Variants in RTTN observed in about 807,000 individuals in gnomAD.
RTTN encodes the protein rotatin.
In RTTN, 182 loss-of-function variants were observed where a neutral mutation model predicts 269.2. The ratio of observed to expected loss-of-function variants is 0.68; its 90% CI spans 0.60 to 0.76. The LOEUF is 0.76. Ranked by LOEUF, RTTN falls within the 30% of genes least tolerant of loss-of-function variation. RTTN has a pLI of 0.00. For missense variants in RTTN, 2,545 were observed against 2,608.6 expected, an observed-to-expected ratio of 0.98 and a Z score of 0.53; for synonymous variants, 1,006 against 963.5, an observed-to-expected ratio of 1.04 and a Z score of -0.82.
chr18:70,095,742 C>T (rs1046058797), intron 28 of RTTN, among the ~76,000 whole-genome samples: 4 of 152,034 alleles, frequency 2.6e-5, no homozygotes, highest in African/African-American at 9.7e-5. Flanking sequence ...TCCTTCATTT[C>T]AGCCTTGGTA....
Position 70,190,593 on chromosome 18 carries a change from A to G in RTTN, c.1134T>C (p.Ser378=). The part of the protein sequence containing the change: ...DTLELQFQQL[S]LPQFCVSILE... ...GAATGGAGACACAAAACTGGGGAAG[A>G]CTGAGCTGCTGGAATTGTAGTTCCA... The change falls in exon 9 of 49, where the codon AGT becomes AGC. Residue 378 remains serine (S), a synonymous_variant. Coordinates refer to ENST00000640769, the MANE Select transcript of RTTN (RefSeq NM_173630.4). 1 of 1,614,022 alleles carries G rather than the reference A, an allele frequency of 6.2e-7. No individual in the cohort carries two copies.
chr18:70,131,437 A>C (rs2059996539), intron 23 of RTTN: 1 of 151,522 alleles, frequency 6.6e-6, no homozygotes, highest in Non-Finnish European at 1.5e-5. Context: ...AGGTCCTTGC[A>C]TTGTCTGGGA....
intron 40 of RTTN, among the ~76,000 whole-genome samples, chr18:70,037,914 T>A (rs2057224480): frequency 6.6e-6 from 1 of 152,064 alleles, no homozygotes; most frequent in African/African-American, 2.4e-5. Flanking sequence ...TCTGGCAACA[T>A]TCGTCACAGA....
chr18:70,200,781 C>G (rs989498806), intron 4 of RTTN, among the ~76,000 whole-genome samples: 7 of 152,152 alleles, frequency 4.6e-5, no homozygotes, highest in Admixed American at 3.9e-4. Flanking sequence ...TCCTAACTGC[C>G]TCACCAAGGA....
intron 46 of RTTN, chr18:70,008,448 C>A (rs1001423185): frequency 1.3e-5 from 2 of 151,900 alleles, no homozygotes; most frequent in Admixed American, 6.6e-5. Context: ...TGGGTAATAA[C>A]AAACTCCTCC....
intron 21 of RTTN, chr18:70,138,426 T>C (rs2060176864): frequency 6.6e-6 from 1 of 152,196 alleles, no homozygotes; most frequent in Admixed American, 6.5e-5. Flanking sequence ...GGGTATAGAT[T>C]ATATTGCCTT....
rs1003254548 is a variant in RTTN at position 70,145,595 on chromosome 18, T to C, written c.2481+17A>G. The C allele has an allele frequency of 1.3e-6, 2 of 1,563,148 alleles. No individual in the cohort carries two copies. Among genetic ancestry groups the C allele is most frequent in the Admixed American group, 2.0e-5 (1 of 48,996 alleles). ...ATCAAATTACCACACAGTAATAAAC[T>C]CAAAATTTATAGTCACCTTAATAAC... On this transcript the variant is annotated intron_variant, in intron 18 of 48. Transcript: ENST00000640769.
chr18:70,070,686 C>T (rs1028983746), intron 34 of RTTN, among the ~76,000 whole-genome samples: 1 of 152,276 alleles, frequency 6.6e-6, no homozygotes, highest in African/African-American at 2.4e-5. Flanking sequence ...TCTTAACTAA[C>T]TCCTATCTGA....
intron 11 of RTTN, 97 bp from the exon 12 acceptor site, chr18:70,169,164 T>A (rs140209038): frequency 1.8e-3 from 1,518 of 836,898 alleles, no homozygotes; most frequent in Middle Eastern, 3.1e-3. Flanking sequence ...TAATCCAACT[T>A]CCTTTTTAGC....
chr18:70,188,090 G>A lies in RTTN; in HGVS notation c.1305+18C>T. On this transcript the variant is annotated intron_variant, in intron 10 of 48. Coordinates refer to ENST00000640769, the MANE Select transcript of RTTN (RefSeq NM_173630.4). ...AAAATACTATTCCCTATATCCCAAA[G>A]AAAACATTGATTCTTACCATATCTA... is the stretch of plus-strand genomic sequence containing the variant. 7.1e-7 allele frequency: 1 copy of A among 1,418,046 alleles called. No homozygotes were observed. The highest frequency in any genetic ancestry group is 1.4e-5 in the African/African-American group (1 of 70,822). 87.8% of individuals were successfully genotyped at this position (1,418,046 alleles called of 1,614,324 possible). A position where few individuals can be genotyped will look rare whatever the true frequency, so the allele number is the denominator to read the frequency against.
intron 14 of RTTN, 60 bp downstream of exon 14, chr18:70,166,002 T>C: frequency 1.3e-6 from 2 of 1,557,124 alleles, no homozygotes; most frequent in Non-Finnish European, 1.8e-6. Flanking sequence ...TTTGAAGGTA[T>C]AACAAGAGAG....
At chr18:70,112,164 A>G (rs1255785177) in intron 27 of RTTN, among the ~76,000 whole-genome samples, 1 of 152,200 alleles carries the variant, frequency 6.6e-6, no homozygotes, top group African/African-American at 2.4e-5. Context: ...AGCACTAAAT[A>G]TGGAAAGGAA....
chr18:70,171,125 T>C (rs975948008), intron 11 of RTTN, among the ~76,000 whole-genome samples: 2 of 152,180 alleles, frequency 1.3e-5, no homozygotes, highest in Admixed American at 6.5e-5. Flanking sequence ...AGGTTATATG[T>C]CTGGTCTGGA....
In RTTN at chr18:70,202,096, TA is replaced by T. The variant is rs540353151; in HGVS notation, c.398-114del. On this transcript the variant is annotated intron_variant, in intron 3 of 48. Coordinates refer to ENST00000640769, the MANE Select transcript of RTTN (RefSeq NM_173630.4). ...TAAGTATTGGAATCATTTTAAAAAT[TA>T]AAAAAAAGTCCAGTTTTTTTTCTGA... 517 of 605,304 alleles carry T rather than the reference TA, an allele frequency of 8.5e-4. 4 individuals carry two copies. In the African/African-American group the frequency reaches 8.7e-3, roughly 10 times the overall value. 37.5% of individuals were successfully genotyped at this position (605,304 alleles called of 1,614,324 possible).
At chr18:70,118,157 A>C (rs1412781513) in intron 26 of RTTN, among the ~76,000 whole-genome samples, 1 of 152,070 alleles carries the variant, frequency 6.6e-6, no homozygotes, top group Non-Finnish European at 1.5e-5. Flanking sequence ...AAAACAATAG[A>C]AAACAGTAAC....
At chr18:70,073,654 C>A (rs1441402860) in intron 34 of RTTN, among the ~76,000 whole-genome samples, 4 of 152,152 alleles carry the variant, frequency 2.6e-5, no homozygotes, top group Non-Finnish European at 4.4e-5. Flanking sequence ...GTTCTGCTAC[C>A]TATAGCACTA....
intron 23 of RTTN, chr18:70,131,487 A>G (rs1302845575): frequency 6.6e-6 from 1 of 151,710 alleles, no homozygotes; most frequent in Non-Finnish European, 1.5e-5. Context: ...GAAGTAAATT[A>G]TAATCTCTAT....
chr18:70,195,903 G>A (rs2061793250), intron 7 of RTTN, among the ~76,000 whole-genome samples: 1 of 152,086 alleles, frequency 6.6e-6, no homozygotes, highest in Non-Finnish European at 1.5e-5. Context: ...ATGAAATAGG[G>A]ATTAACTATG....
At chr18:70,196,212 G>C (rs1327422005) in intron 7 of RTTN, among the ~76,000 whole-genome samples, 1 of 151,618 alleles carries the variant, frequency 6.6e-6, no homozygotes, top group Non-Finnish European at 1.5e-5. Context: ...AAATATCCGA[G>C]TCACTACATC....
Sources: gnomAD v4.1 joint callset for allele counts (sites outside exome capture counted in the v4.1 genomes callset) on GRCh38, gnomAD v4.1.1 for gene constraint, MANE v1.5 for transcripts, NCBI Gene and HGNC (gene_info 2026-07-23, HGNC 2026-07-21) for gene names.